CSMD3: variants seen among roughly 807,000 people sequenced by gnomAD.
CSMD3 encodes CUB and Sushi multiple domains 3.
A neutral mutation model predicts 435.2 loss-of-function variants in CSMD3; 177 were observed. The observed-to-expected ratio is 0.41, with a 90% CI of 0.36 to 0.46. The LOEUF (loss-of-function observed/expected upper bound fraction) is 0.46. CSMD3 is among the 20% of genes least tolerant of loss of function. The pLI, the probability that CSMD3 is intolerant of heterozygous loss-of-function variation, is 0.34. For missense variants in CSMD3, 4,265 were observed against 4,504.6 expected (o/e 0.95, Z 1.52); for synonymous variants, 1,656 against 1,520.5 (o/e 1.09, Z -2.07).
intron 6 of CSMD3, among the ~76,000 whole-genome samples, chr8:113,003,471 T>A (rs2131082779): frequency 6.6e-6 from 1 of 152,120 alleles, no homozygotes; most frequent in South Asian, 2.1e-4. Flanking sequence ...TTTGCTTGTC[T>A]CCTAACTTAA....
intron 24 of CSMD3, among the ~76,000 whole-genome samples, chr8:112,559,811 T>C (rs1226741918): frequency 2.0e-5 from 3 of 151,808 alleles, no homozygotes; most frequent in Admixed American, 6.6e-5. Flanking sequence ...GTAGGGTAAA[T>C]GATGTAATAA....
chr8:112,440,834 C>T (rs1204867602), intron 32 of CSMD3, among the ~76,000 whole-genome samples: 1 of 152,140 alleles, frequency 6.6e-6, no homozygotes, highest in Non-Finnish European at 1.5e-5. Context: ...CATGATGCCC[C>T]AAGGCTGCAT....
intron 32 of CSMD3, among the ~76,000 whole-genome samples, chr8:112,471,028 T>C (rs1435378360): frequency 6.6e-6 from 1 of 152,198 alleles, no homozygotes; most frequent in Admixed American, 6.6e-5. Context: ...GATTTCATTC[T>C]TTAGGAATCT....
intron 9 of CSMD3, among the ~76,000 whole-genome samples, chr8:112,942,211 T>C (rs1189082835): frequency 1.4e-5 from 2 of 139,902 alleles, no homozygotes; most frequent in African/African-American, 2.7e-5. Flanking sequence ...AGGAGTGTAA[T>C]TGTTGGTAAA....
intron 12 of CSMD3, among the ~76,000 whole-genome samples, chr8:112,810,419 T>G (rs1166526587): frequency 6.6e-6 from 1 of 152,222 alleles, no homozygotes; most frequent in East Asian, 1.9e-4. Context: ...CTGCAAATGA[T>G]AAGTCTAATA....
At chr8:112,314,245 G>T (rs987102562) in intron 48 of CSMD3, among the ~76,000 whole-genome samples, 184 bp downstream of exon 48, 2 of 151,972 alleles carry the variant, frequency 1.3e-5, no homozygotes, top group Non-Finnish European at 2.9e-5. Flanking sequence ...TGTATAATTT[G>T]TAAAATAATA....
At chr8:112,801,531 A>G (rs1011185961) in intron 12 of CSMD3, among the ~76,000 whole-genome samples, 4 of 152,084 alleles carry the variant, frequency 2.6e-5, no homozygotes, top group African/African-American at 9.7e-5. Context: ...GGAACTTCAG[A>G]TTATCTTCAT....
intron 31 of CSMD3, 58 bp downstream of exon 31, chr8:112,492,431 T>C: frequency 7.4e-7 from 1 of 1,346,018 alleles, no homozygotes; most frequent in East Asian, 2.3e-5. Flanking sequence ...GAAATGTCTT[T>C]AAATATTTTT....
chr8:113,178,431 A>G (rs2092377967), intron 3 of CSMD3, among the ~76,000 whole-genome samples: 1 of 151,928 alleles, frequency 6.6e-6, no homozygotes, highest in Admixed American at 6.6e-5. Flanking sequence ...ATCATCAGCA[A>G]TGCTCTGGGG....
rs181931004 is a variant in CSMD3, at chr8:112,907,753, G to C, written c.1633+13874C>G. On this transcript the variant is annotated intron_variant, in intron 10 of 70. Coordinates refer to ENST00000297405, the MANE Select transcript of CSMD3 (RefSeq NM_198123.2). ...AAAAGTTCAGAGTCAATTTTTAGAG[G>C]CTCCAAAATGCCAGGTTAACAATTT... Among the ~76,000 whole-genome samples, 89 of 151,334 alleles carry C rather than the reference G, an allele frequency of 5.9e-4. 1 individual carries two copies. In the East Asian group the frequency reaches 9.8e-3, roughly 17 times the overall value.
chr8:113,200,582 T>C (rs1056600424), intron 3 of CSMD3, among the ~76,000 whole-genome samples: 3 of 151,524 alleles, frequency 2.0e-5, no homozygotes, highest in African/African-American at 7.3e-5. Context: ...GCAAATCTAT[T>C]TCTTTTATTT....
At chr8:112,958,319 T>C (rs2084105819) in intron 7 of CSMD3, among the ~76,000 whole-genome samples, 1 of 152,218 alleles carries the variant, frequency 6.6e-6, no homozygotes, top group African/African-American at 2.4e-5. Context: ...TTTTTAAAAT[T>C]TTTCATTACA....
chr8:112,235,927 T>G (rs1410730399), intron 67 of CSMD3, among the ~76,000 whole-genome samples: 3 of 151,980 alleles, frequency 2.0e-5, no homozygotes, highest in Non-Finnish European at 4.4e-5. Flanking sequence ...ACATTTATTT[T>G]GGGCTCTTTT....
chr8:112,535,987 G>A (rs1362838930), intron 27 of CSMD3, among the ~76,000 whole-genome samples: 1 of 152,058 alleles, frequency 6.6e-6, no homozygotes, highest in Non-Finnish European at 1.5e-5. Flanking sequence ...AGCTGAAACT[G>A]GATCCCTTCC....
At position 113,436,767 on chromosome 8, in the gene CSMD3, G is replaced by C. The variant is rs113405539; in HGVS notation, c.88C>G (p.Leu30Val). ...ATTTTCTTCATCAGGATGAAGTCTA[G>C]GCGGCCACATTTAGCGCATCTTCGC... ...GKRRCAKCGRLDFILMKKMGI... is the reference protein window; with the variant it reads ...GKRRCAKCGRVDFILMKKMGI... Residue 30 changes from leucine (L) to valine (V), a missense_variant, in exon 1 of 71, where the codon CTA (leucine) becomes GTA (valine). Physicochemically the swap from Leu to Val is conservative, Grantham distance 32. Coordinates refer to ENST00000297405, the MANE Select transcript of CSMD3 (RefSeq NM_198123.2). 6.2e-7 allele frequency: 1 copy of C among 1,614,104 alleles called. No homozygotes were observed. Among genetic ancestry groups the C allele is most frequent in the Non-Finnish European group, 8.5e-7 (1 of 1,179,998 alleles).
chr8:112,273,542 G>A (rs990793297), intron 59 of CSMD3, among the ~76,000 whole-genome samples: 14 of 151,792 alleles, frequency 9.2e-5, no homozygotes, highest in Admixed American at 6.6e-4. Flanking sequence ...TGGATAACAC[G>A]GTGAAACCCC....
intron 5 of CSMD3, among the ~76,000 whole-genome samples, chr8:113,046,712 A>T (rs1405761213): frequency 3.3e-5 from 5 of 152,156 alleles, no homozygotes; most frequent in Non-Finnish European, 5.9e-5. Context: ...GTTTTTATTG[A>T]TACAAGGACA....
At chr8:112,690,478 C>A (rs567070785) in intron 13 of CSMD3, among the ~76,000 whole-genome samples, 2 of 151,666 alleles carry the variant, frequency 1.3e-5, no homozygotes, top group Non-Finnish European at 2.9e-5. Flanking sequence ...GACCAGGACA[C>A]GAGGGAACAT....
At chr8:112,410,385 C>A (rs900512018) in intron 32 of CSMD3, among the ~76,000 whole-genome samples, 5 of 149,752 alleles carry the variant, frequency 3.3e-5, no homozygotes, top group African/African-American at 1.2e-4. Flanking sequence ...AGACACATGC[C>A]GTGAATTATT....
Sources: gnomAD v4.1 joint callset for allele counts (sites outside exome capture counted in the v4.1 genomes callset) on GRCh38, gnomAD v4.1.1 for gene constraint, MANE v1.5 for transcripts, NCBI Gene and HGNC (gene_info 2026-07-23, HGNC 2026-07-21) for gene names.